The following DOK5 variants were observed in gnomAD, a reference collection of about 807,000 sequenced individuals.
The protein encoded by DOK5 is docking protein 5.
DOK5 carries 27 observed loss-of-function variants against 43.3 expected under a neutral mutation model. That is an observed-to-expected ratio of 0.62 (90% CI 0.46 to 0.86). DOK5 has a LOEUF of 0.86. Ranked by LOEUF, DOK5 falls within the 40% of genes least tolerant of loss-of-function variation. DOK5 has a pLI of 0.00. For missense variants in DOK5, 373 were observed against 392.9 expected, an observed-to-expected ratio of 0.95 and a Z score of 0.43; for synonymous variants, 146 against 140.1, an observed-to-expected ratio of 1.04 and a Z score of -0.30.
intron 6 of DOK5, among the ~76,000 whole-genome samples, chr20:54,611,124 C>T (rs1194977913): frequency 6.6e-6 from 1 of 152,174 alleles, no homozygotes; most frequent in Non-Finnish European, 1.5e-5. Context: ...TGAACTGCTA[C>T]CCACAGCCAT....
At chr20:54,476,114 G>A (rs1981413018) in intron 1 of DOK5, 102 bp downstream of exon 1, 1 of 1,564,992 alleles carries the variant, frequency 6.4e-7, no homozygotes, top group African/African-American at 1.3e-5. Flanking sequence ...GCCGCGCGCC[G>A]GAGAATTGCG....
chr20:54,581,259 A>G (rs900426509), intron 2 of DOK5, among the ~76,000 whole-genome samples: 19 of 151,822 alleles, frequency 1.3e-4, no homozygotes, highest in Non-Finnish European at 1.5e-5. Flanking sequence ...CCAGTACCAT[A>G]TTATTTAGAT....
chr20:54,582,398 T>C (rs940553277), intron 2 of DOK5, among the ~76,000 whole-genome samples: 3 of 151,784 alleles, frequency 2.0e-5, no homozygotes, highest in Admixed American at 1.3e-4. Context: ...CGTTCCTTCC[T>C]CTTCAGTTTT....
chr20:54,591,720 C>A lies in DOK5; in HGVS notation c.514C>A (p.Pro172Thr), dbSNP rs1985982013. 6.2e-7 allele frequency: 1 copy of A among 1,614,092 alleles called. No individual in the cohort carries two copies. The highest frequency in any genetic ancestry group is 1.7e-5 in the Admixed American group (1 of 60,000). The stretch of plus-strand genomic sequence containing the variant: ...TATCTGTCTTTGGGACGTCCAGAAT[C>A]CCAGAGTCAAACTCATCTCTTGGCC... Reference protein sequence around the residue: ...EYICLWDVQNPRVKLISWPLS... With the variant: ...EYICLWDVQNTRVKLISWPLS... Residue 172 changes from proline (P) to threonine (T), a missense_variant, in exon 5 of 8, where the codon CCC becomes ACC. Transcript: ENST00000262593.
At chr20:54,634,542 C>T (rs554216204) in intron 6 of DOK5, among the ~76,000 whole-genome samples, 5 of 144,594 alleles carry the variant, frequency 3.5e-5, no homozygotes, top group Admixed American at 1.4e-4. Flanking sequence ...CCCGAGTTCA[C>T]GCCATTCTCT....
chr20:54,642,969 G>T (rs534534208), intron 6 of DOK5, among the ~76,000 whole-genome samples: 71 of 152,274 alleles, frequency 4.7e-4, no homozygotes, highest in African/African-American at 1.6e-3. Context: ...ACAACTCCAC[G>T]AGAAATCATT....
chr20:54,647,691 C>T (rs762015530), intron 7 of DOK5, among the ~76,000 whole-genome samples: 20 of 48,294 alleles, frequency 4.1e-4, no homozygotes, highest in Non-Finnish European at 5.6e-4. Flanking sequence ...GCACCTTTCC[C>T]CTAAGAAAGG....
chr20:54,620,400 A>ACCTG (rs1986942148), intron 6 of DOK5, among the ~76,000 whole-genome samples: 1 of 151,946 alleles, frequency 6.6e-6, no homozygotes, highest in Non-Finnish European at 1.5e-5. Flanking sequence ...CACCATGCCC[A>ACCTG]GCTAATTTTT....
At chr20:54,622,316 A>C (rs1459113723) in intron 6 of DOK5, among the ~76,000 whole-genome samples, 3 of 152,220 alleles carry the variant, frequency 2.0e-5, no homozygotes, top group Non-Finnish European at 2.9e-5. Flanking sequence ...TGTGGATGAA[A>C]CTCAGGCTTC....
intron 1 of DOK5, among the ~76,000 whole-genome samples, chr20:54,498,326 G>C (rs559051039): frequency 6.6e-6 from 1 of 152,264 alleles, no homozygotes; most frequent in South Asian, 2.1e-4. Context: ...TGATAGCTCA[G>C]GGTTTTCAGC....
At chr20:54,535,350 GA>G (rs759985337) in intron 1 of DOK5, among the ~76,000 whole-genome samples, 1 of 150,976 alleles carries the variant, frequency 6.6e-6, no homozygotes, top group African/African-American at 2.4e-5. Context: ...TCCCTTCTTT[GA>G]GACTGACATT....
At chr20:54,489,109 C>T (rs1982063024) in intron 1 of DOK5, among the ~76,000 whole-genome samples, 1 of 152,164 alleles carries the variant, frequency 6.6e-6, no homozygotes, top group Non-Finnish European at 1.5e-5. Flanking sequence ...AACAGTAGAA[C>T]ATTTTAGAAT....
At chr20:54,579,996 G>A (rs1341105954) in intron 2 of DOK5, among the ~76,000 whole-genome samples, 2 of 152,004 alleles carry the variant, frequency 1.3e-5, no homozygotes, top group East Asian at 3.9e-4. Context: ...TGTTAGCCTT[G>A]TTCACCTCCC....
chr20:54,599,245 G>A (rs6023396), intron 5 of DOK5, among the ~76,000 whole-genome samples: 19,373 of 152,156 alleles, frequency 0.13, 1,982 homozygotes, highest in African/African-American at 0.28. Flanking sequence ...TCTAACACAA[G>A]TTTGCTCAGG....
At chr20:54,609,393 T>C (rs1208651578) in intron 5 of DOK5, among the ~76,000 whole-genome samples, 1 of 152,218 alleles carries the variant, frequency 6.6e-6, no homozygotes, top group African/African-American at 2.4e-5. Context: ...GGCATATGTA[T>C]GTATCAAATT....
At chr20:54,619,641 G>A (rs967027041) in intron 6 of DOK5, among the ~76,000 whole-genome samples, 1 of 152,206 alleles carries the variant, frequency 6.6e-6, no homozygotes, top group Non-Finnish European at 1.5e-5. Flanking sequence ...ACACAGGCTT[G>A]AGAGTTCAAT....
chr20:54,596,106 CAAAT>C lies in DOK5; in HGVS notation c.599+4305_599+4308del, dbSNP rs1168538785. On this transcript the variant is annotated intron_variant, in intron 5 of 7. Transcript: ENST00000262593. ...ACTATTTTATATTTTGCTTGAAACT[CAAAT>C]AAAGATAAATTTTTATACTTACCAT... 3.9e-5 allele frequency among the ~76,000 whole-genome samples: 6 copies of C among 152,236 alleles called. No individual in the cohort carries two copies. In the East Asian group the frequency reaches 1.2e-3, roughly 29 times the overall value.
chr20:54,584,797 A>ACC (rs1297226756), intron 2 of DOK5, among the ~76,000 whole-genome samples: 4 of 150,994 alleles, frequency 2.6e-5, no homozygotes, highest in Non-Finnish European at 5.9e-5. Flanking sequence ...ACACACACAC[A>ACC]CCTTTTCCAG....
intron 1 of DOK5, among the ~76,000 whole-genome samples, chr20:54,505,808 C>T (rs957128839): frequency 1.5e-4 from 23 of 152,184 alleles, no homozygotes; most frequent in African/African-American, 5.5e-4. Flanking sequence ...AGGACAAGAG[C>T]CTTGAGGTGA....
Sources: allele counts gnomAD v4.1 joint callset (sites outside exome capture counted in the v4.1 genomes callset), GRCh38; gene constraint gnomAD v4.1.1; transcripts MANE v1.5; gene names NCBI Gene and HGNC (gene_info 2026-07-23, HGNC 2026-07-21).